CBFA2T3: variants seen among roughly 807,000 people sequenced by gnomAD.
CBFA2T3 encodes transcriptional corepressor CBFA2T3.
In CBFA2T3, 31 loss-of-function variants were observed where a neutral mutation model predicts 58.6. That is an observed-to-expected ratio of 0.53 (90% CI 0.40 to 0.71). The LOEUF is 0.71. Ranked by LOEUF, CBFA2T3 falls within the 30% of genes least tolerant of loss-of-function variation. The pLI is 0.00. For synonymous variants in CBFA2T3, 531 were observed against 421.9 expected (o/e 1.26, Z -3.17); for missense variants, 1,076 against 963.1 (o/e 1.12, Z -1.55).
In CBFA2T3 at chr16:88,901,608, G is replaced by C. The variant is rs776031429; in HGVS notation, c.200C>G (p.Ala67Gly). 2 of 1,522,754 alleles carry C rather than the reference G, an allele frequency of 1.3e-6. No homozygotes were observed. Among genetic ancestry groups the C allele is most frequent in the Non-Finnish European group, 1.7e-6 (2 of 1,147,774 alleles). 94.3% of individuals were successfully genotyped at this position (1,522,754 alleles called of 1,614,324 possible). Residue 67 changes from alanine (A) to glycine (G), a missense_variant, in exon 2 of 12, where the codon GCG (alanine) becomes GGG (glycine). Physicochemically the swap from Ala to Gly is moderately conservative, Grantham distance 60. Transcript: ENST00000268679. ...AKASAMPDSPAEVKTQPRSTP... is the reference protein window; with the variant it reads ...AKASAMPDSPGEVKTQPRSTP... ...GGACCGGGGCTGCGTCTTCACCTCC[G>C]CTGGGGAGTCCGGCATCGCTGAGGC...
rs991771698 is a variant in CBFA2T3, at chr16:88,875,949, A to G, written c.*1027T>C. ...CCACGCACACGCGGCGGACGCACCA[A>G]CGCCTACGCAGAAGAGAACAAAAGT... On this transcript the variant is annotated 3_prime_UTR_variant, in exon 12 of 12. Transcript: ENST00000268679. 3.4e-5 allele frequency: 8 copies of G among 233,166 alleles called. No homozygotes were observed. Among genetic ancestry groups the G allele is most frequent in the Non-Finnish European group, 5.1e-5 (6 of 117,916 alleles). 14.4% of individuals were successfully genotyped at this position (233,166 alleles called of 1,614,324 possible).
At chr16:88,895,370 T>C (rs1567588477) in intron 3 of CBFA2T3, among the ~76,000 whole-genome samples, 1 of 152,074 alleles carries the variant, frequency 6.6e-6, no homozygotes, top group Non-Finnish European at 1.5e-5. Flanking sequence ...ACCTGCGAAG[T>C]GCGCCCGGGT....
At chr16:88,902,120 C>G (rs1970121938) in intron 1 of CBFA2T3, among the ~76,000 whole-genome samples, 1 of 152,244 alleles carries the variant, frequency 6.6e-6, no homozygotes, top group Non-Finnish European at 1.5e-5. Flanking sequence ...CCAGGTGGCG[C>G]TGCTGCTGGT....
At chr16:88,881,263 G>C in intron 9 of CBFA2T3, 28 bp downstream of exon 9, 1 of 1,589,432 alleles carries the variant, frequency 6.3e-7, no homozygotes, top group Non-Finnish European at 8.6e-7. Flanking sequence ...CCCCGTGTCT[G>C]CTCCCTCCCC....
chr16:88,937,610 G>A (rs775859848), intron 1 of CBFA2T3: 2 of 152,358 alleles, frequency 1.3e-5, no homozygotes, highest in African/African-American at 4.8e-5. Context: ...TGCGCTGTGA[G>A]CTAGGAACTT....
chr16:88,915,809 G>A (rs913985244), intron 1 of CBFA2T3, among the ~76,000 whole-genome samples: 4 of 151,736 alleles, frequency 2.6e-5, no homozygotes, highest in South Asian at 2.1e-4. Flanking sequence ...CAGGGTGGGC[G>A]GGCGCCCTGG....
chr16:88,875,921 G>A lies in CBFA2T3; in HGVS notation c.*1055C>T, dbSNP rs754379330. On this transcript the variant is annotated 3_prime_UTR_variant, in exon 12 of 12. Coordinates refer to ENST00000268679, the MANE Select transcript of CBFA2T3 (RefSeq NM_005187.6). ...GACGCAGGCCGGAGCAACGGCACAC[G>A]GACCACGCACACGCGGCGGACGCAC... 3 of 233,066 alleles carry A rather than the reference G, an allele frequency of 1.3e-5. No individual in the cohort carries two copies. The highest frequency in any genetic ancestry group is 2.5e-5 in the Non-Finnish European group (3 of 117,896). The allele number at this position is 233,066 out of a possible 1,614,324, so 14.4% of individuals were successfully genotyped here.
chr16:88,940,557 C>CGCGGACCACCTTTAGCCT (rs993426299), intron 1 of CBFA2T3, among the ~76,000 whole-genome samples: 7 of 152,216 alleles, frequency 4.6e-5, no homozygotes, highest in Non-Finnish European at 1.5e-5. Flanking sequence ...GGACCCCCAG[C>CGCGGACCACCTTTAGCCT]GCGGACCACC....
At chr16:88,892,895 G>C (rs1039229943) in intron 3 of CBFA2T3, among the ~76,000 whole-genome samples, 2 of 152,166 alleles carry the variant, frequency 1.3e-5, no homozygotes, top group Non-Finnish European at 2.9e-5. Flanking sequence ...GACTTGCTCT[G>C]GGGCTGAAGT....
chr16:88,958,500 G>A lies in CBFA2T3; in HGVS notation c.151+18157C>T, dbSNP rs567634296. ...GAGTGACACCAGGTCCCGGTGCAGCGCTCGTGAGTGCCCCACATCCCTGGG... is the reference window on the plus strand; with the variant it reads ...GAGTGACACCAGGTCCCGGTGCAGCACTCGTGAGTGCCCCACATCCCTGGG... On this transcript the variant is annotated intron_variant, in intron 1 of 11. Coordinates refer to ENST00000268679, the MANE Select transcript of CBFA2T3 (RefSeq NM_005187.6). This position sits in a 1 kb window ranked among gnomAD's most constrained non-coding sequence, Gnocchi z 4.0. Among the ~76,000 whole-genome samples, 4 of 152,288 alleles carry A rather than the reference G, an allele frequency of 2.6e-5. No homozygotes were observed. The highest frequency in any genetic ancestry group is 4.8e-5 in the African/African-American group (2 of 41,560).
intron 1 of CBFA2T3, among the ~76,000 whole-genome samples, chr16:88,904,472 G>A (rs895457382): frequency 1.3e-5 from 2 of 152,230 alleles, no homozygotes; most frequent in Non-Finnish European, 2.9e-5. Context: ...ACAGGGCCAG[G>A]ACTCGGCAGG....
chr16:88,976,924 T>C lies in CBFA2T3; in HGVS notation c.-117A>G. ...AGGAGGGGCTGGGCCAGCTGGGGCG[T>C]CCTGGAGTTGGGCCTCTGTCCCTGG... On this transcript the variant is annotated 5_prime_UTR_variant, in exon 1 of 12. Coordinates refer to ENST00000268679, the MANE Select transcript of CBFA2T3 (RefSeq NM_005187.6). 3.1e-6 allele frequency: 4 copies of C among 1,309,554 alleles called. No homozygotes were observed. The highest frequency in any genetic ancestry group is 4.1e-6 in the Non-Finnish European group (4 of 968,790). The allele number at this position is 1,309,554 out of a possible 1,614,324, so 81.1% of individuals were successfully genotyped here.
chr16:88,966,877 C>T (rs368009175), intron 1 of CBFA2T3, among the ~76,000 whole-genome samples: 17 of 152,260 alleles, frequency 1.1e-4, no homozygotes, highest in Admixed American at 2.0e-4. Flanking sequence ...CCCAGGAAGC[C>T]GGGATAGGGC....
chr16:88,901,210 G>A (rs1970085183), intron 2 of CBFA2T3, among the ~76,000 whole-genome samples: 1 of 152,248 alleles, frequency 6.6e-6, no homozygotes, highest in Non-Finnish European at 1.5e-5. Flanking sequence ...CGGCCCTGGT[G>A]AAAGGCCTGT....
intron 3 of CBFA2T3, among the ~76,000 whole-genome samples, chr16:88,893,305 C>CG (rs1969728359): frequency 6.7e-6 from 1 of 149,546 alleles, no homozygotes; most frequent in East Asian, 1.9e-4. Flanking sequence ...ATGTGCCCCC[C>CG]CCGACACACA....
intron 5 of CBFA2T3, among the ~76,000 whole-genome samples, chr16:88,889,263 G>C (rs551326054): frequency 6.7e-6 from 1 of 149,346 alleles, no homozygotes; most frequent in South Asian, 2.1e-4. Context: ...GCACAGCAGG[G>C]CGTGGGAGGG....
chr16:88,940,112 C>A (rs1225541939), intron 1 of CBFA2T3: 1 of 153,844 alleles, frequency 6.5e-6, no homozygotes, highest in Non-Finnish European at 1.5e-5. Flanking sequence ...GAGCACGCGA[C>A]GTGCTCTCTT....
Position 88,924,474 on chromosome 16 carries a change from G to A in CBFA2T3, c.152-22818C>T, listed in dbSNP as rs371453720. 2.9e-3 allele frequency among the ~76,000 whole-genome samples: 436 copies of A among 152,314 alleles called. 2 individuals are homozygous for A. The highest frequency in any genetic ancestry group is 1.0e-2 in the African/African-American group (415 of 41,572). Reference sequence around the variant, plus strand: ...CGATGGCTGGGATGGCCTTGGAGACGGGTCCAGCAATGGGCAGACACAGGC... The same window carrying A: ...CGATGGCTGGGATGGCCTTGGAGACAGGTCCAGCAATGGGCAGACACAGGC... On this transcript the variant is annotated intron_variant, in intron 1 of 11. Coordinates refer to ENST00000268679, the MANE Select transcript of CBFA2T3 (RefSeq NM_005187.6).
chr16:88,909,174 C>T (rs890727174), intron 1 of CBFA2T3, among the ~76,000 whole-genome samples: 1 of 152,232 alleles, frequency 6.6e-6, no homozygotes, highest in Admixed American at 6.5e-5. Flanking sequence ...CTCAGAGGCC[C>T]AGCAAGGCCT....
Sources: allele counts gnomAD v4.1 joint callset (sites outside exome capture counted in the v4.1 genomes callset), GRCh38; gene constraint gnomAD v4.1.1; non-coding constraint Gnocchi (gnomAD v3.1); transcripts MANE v1.5; gene names NCBI Gene and HGNC (gene_info 2026-07-23, HGNC 2026-07-21).